The following ADAM23 variants were observed in gnomAD, a reference collection of about 807,000 sequenced individuals.
ADAM23 encodes disintegrin and metalloproteinase domain-containing protein 23.
A neutral mutation model predicts 120.1 loss-of-function variants in ADAM23; 33 were observed. The observed-to-expected ratio is 0.27, with a 90% CI of 0.21 to 0.37. The LOEUF is 0.37. Among genes scored for constraint, ADAM23 ranks in the 10% least tolerant of loss-of-function variants. The pLI, the probability that ADAM23 is intolerant of heterozygous loss-of-function variation, is 1.00. For missense variants in ADAM23, 862 were observed against 1,058.2 expected (o/e 0.81, Z 2.57); for synonymous variants, 367 against 375.2 (o/e 0.98, Z 0.25).
At chr2:206,454,838 G>A (rs1695263003) in intron 2 of ADAM23, among the ~76,000 whole-genome samples, 1 of 152,246 alleles carries the variant, frequency 6.6e-6, no homozygotes. Flanking sequence ...TGATGCAGGG[G>A]ATGGGCTGCC....
intron 4 of ADAM23, among the ~76,000 whole-genome samples, chr2:206,537,383 T>C (rs553585634): frequency 1.1e-4 from 16 of 152,094 alleles, no homozygotes; most frequent in African/African-American, 3.4e-4. Flanking sequence ...GTGGAAGAGA[T>C]TGGAGGAGTG....
At chr2:206,494,356 AT>A (rs1232945577) in intron 3 of ADAM23, among the ~76,000 whole-genome samples, 2 of 152,198 alleles carry the variant, frequency 1.3e-5, no homozygotes, top group Admixed American at 6.5e-5. Context: ...CCCTAAAAAA[AT>A]GTTTGCTCTT....
At chr2:206,546,052 C>CT (rs1559257801) in intron 6 of ADAM23, among the ~76,000 whole-genome samples, 1 of 152,072 alleles carries the variant, frequency 6.6e-6, no homozygotes, top group Non-Finnish European at 1.5e-5. Context: ...TAAATATAAA[C>CT]TATTGTTATA....
rs939645729 is a variant in ADAM23, at chr2:206,589,443, G to C, written c.1887G>C (p.Lys629Asn). The C allele has an allele frequency of 6.2e-7, 1 of 1,613,876 alleles. No individual in the cohort carries two copies. The highest frequency in any genetic ancestry group is 1.1e-5 in the South Asian group (1 of 91,022). Residue 629 changes from lysine (K) to asparagine (N), a missense_variant, in exon 21 of 26, where the codon AAG (lysine) becomes AAC (asparagine). Lys to Asn is a moderately conservative substitution (Grantham distance 94). Around this residue, in one of 4 missense-constraint regions of ADAM23, gnomAD observed 617 missense variants for 813.5 expected, o/e 0.76. Transcript: ENST00000264377. ...AAGSDKFCYE[K>N]LNTEGTEKGN... is the part of the protein sequence containing the mutation. ...GGTCTGACAAGTTCTGCTATGAAAAGCTGAATACAGAAGGCACTGAGAAGG... is the reference window on the plus strand; with the variant it reads ...GGTCTGACAAGTTCTGCTATGAAAACCTGAATACAGAAGGCACTGAGAAGG...
In ADAM23 at chr2:206,489,940, T is replaced by C. The variant is rs149006805; in HGVS notation, c.509+8632T>C. 1.9e-4 allele frequency among the ~76,000 whole-genome samples: 29 copies of C among 152,358 alleles called. No homozygotes were observed. The East Asian group carries it at 4.6e-3, about 24-fold the overall frequency. On this transcript the variant is annotated intron_variant, in intron 3 of 25. Transcript: ENST00000264377. ...ATTGAAAATAATGCTGTTTGTTGAG[T>C]AGAACCATCTGTTATGCTCTGTGTG...
chr2:206,444,136 A>G, intron 1 of ADAM23, 56 bp downstream of exon 1: 1 of 1,211,396 alleles, frequency 8.3e-7, no homozygotes, highest in Non-Finnish European at 1.0e-6. Flanking sequence ...CTGCAGAGGA[A>G]AGCGAAGGGC....
rs1238245063 is a variant in ADAM23, at chr2:206,444,053, C to T, written c.187C>T (p.Arg63Cys). Residue 63 changes from arginine (R) to cysteine (C), a missense_variant, in exon 1 of 26, where the codon CGC becomes TGC. Arg to Cys is a radical substitution (Grantham distance 180, BLOSUM62 -3). Transcript: ENST00000264377. ...TCCGCTCGCCGCCTCGTCCCGGCCC[C>T]GCGCCTGGGGGGCTGCTGCGCCCAG... ...LPPLAASSRP[R>C]AWGAAAPSAP... 17 of 1,397,844 alleles carry T rather than the reference C, an allele frequency of 1.2e-5. No individual in the cohort carries two copies. Among genetic ancestry groups the T allele is most frequent in the Admixed American group, 5.2e-5 (2 of 38,708 alleles). 86.6% of individuals were successfully genotyped at this position (1,397,844 alleles called of 1,614,324 possible).
At chr2:206,487,329 T>C (rs564691052) in intron 3 of ADAM23, among the ~76,000 whole-genome samples, 7 of 152,232 alleles carry the variant, frequency 4.6e-5, no homozygotes, top group Admixed American at 3.9e-4. Flanking sequence ...TTTCTGACTT[T>C]AGTAAGTGAG....
Position 206,598,267 on chromosome 2 carries a change from A to G in ADAM23, c.2359+2105A>G, listed in dbSNP as rs558473393. ...TCAAGTGATGTATAAAGATGCCTCA[A>G]CGGATGAGCAGAGCTAAATTTACTT... On this transcript the variant is annotated intron_variant, in intron 24 of 25. Transcript: ENST00000264377. 4.6e-5 allele frequency among the ~76,000 whole-genome samples: 7 copies of G among 152,252 alleles called. No homozygotes were observed. In the East Asian group the frequency reaches 1.2e-3, roughly 25 times the overall value.
intron 18 of ADAM23, 129 bp downstream of exon 18, chr2:206,573,324 A>G: frequency 2.3e-6 from 2 of 860,812 alleles, no homozygotes; most frequent in Non-Finnish European, 3.8e-6. Flanking sequence ...GCATATTCAT[A>G]ATGAGATATC....
intron 17 of ADAM23, among the ~76,000 whole-genome samples, chr2:206,572,021 T>G (rs1045546928): frequency 1.3e-5 from 2 of 152,082 alleles, no homozygotes; most frequent in African/African-American, 4.8e-5. Context: ...AACCATCTTA[T>G]CCTCCAATGC....
At chr2:206,572,938 G>A (rs569590019) in intron 17 of ADAM23, among the ~76,000 whole-genome samples, 177 bp from the exon 18 acceptor site, 2 of 152,170 alleles carry the variant, frequency 1.3e-5, no homozygotes, top group East Asian at 1.9e-4. Context: ...TAGTGTAGAG[G>A]GTAGCATCTG....
chr2:206,608,082 T>A lies in ADAM23; in HGVS notation c.2360-1828T>A, dbSNP rs574477239. ...TGTTGAATTGTGGGGAGGAAATACA[T>A]GTAAGTAGAATAAAGTTTCTCTAAA... On this transcript the variant is annotated intron_variant, in intron 24 of 25. Transcript: ENST00000264377. 43 of 375,184 alleles carry A rather than the reference T, an allele frequency of 1.1e-4. No homozygotes were observed. The East Asian group carries it at 3.4e-3, about 30-fold the overall frequency. 23.2% of individuals were successfully genotyped at this position (375,184 alleles called of 1,614,324 possible).
chr2:206,582,386 G>C (rs1199883618), intron 18 of ADAM23, among the ~76,000 whole-genome samples: 3 of 152,100 alleles, frequency 2.0e-5, no homozygotes, highest in African/African-American at 7.2e-5. Context: ...GTGTCCATTT[G>C]CTTGGAATGC....
At chr2:206,503,514 A>G (rs1172424697) in intron 3 of ADAM23, among the ~76,000 whole-genome samples, 4 of 152,086 alleles carry the variant, frequency 2.6e-5, no homozygotes, top group African/African-American at 9.7e-5. Context: ...ATAGCTAAAT[A>G]TTTTGACTTA....
Position 206,542,113 on chromosome 2 carries a change from T to C in ADAM23, c.635T>C (p.Leu212Pro). 6.2e-7 allele frequency: 1 copy of C among 1,614,198 alleles called. No homozygotes were observed. Among genetic ancestry groups the C allele is most frequent in the Non-Finnish European group, 8.5e-7 (1 of 1,180,000 alleles). Residue 212 changes from leucine to proline, a missense_variant, in exon 5 of 26, where the codon CTG becomes CCG. Transcript: ENST00000264377. ...IRGVKDSKVA[L>P]STCNGLHGMF... ...GGCGTCAAAGACTCCAAGGTGGCTC[T>C]GTCAACCTGCAATGGACTTCAGTAA...
At chr2:206,556,144 A>G (rs1486938773) in intron 9 of ADAM23, among the ~76,000 whole-genome samples, 1 of 152,192 alleles carries the variant, frequency 6.6e-6, no homozygotes, top group African/African-American at 2.4e-5. Flanking sequence ...ATGAACAGTA[A>G]TAGTAATATT....
At chr2:206,536,102 C>T (rs758286614) in intron 4 of ADAM23, among the ~76,000 whole-genome samples, 1 of 152,152 alleles carries the variant, frequency 6.6e-6, no homozygotes, top group African/African-American at 2.4e-5. Context: ...TAAGCCATTC[C>T]TGTTCATTCA....
chr2:206,584,701 C>T (rs370979809), intron 18 of ADAM23, among the ~76,000 whole-genome samples: 5 of 152,286 alleles, frequency 3.3e-5, no homozygotes, highest in African/African-American at 9.6e-5. Flanking sequence ...AGTTCTTCCC[C>T]GGCCTGTGAA....
Sources: allele counts gnomAD v4.1 joint callset (sites outside exome capture counted in the v4.1 genomes callset), GRCh38; gene constraint gnomAD v4.1.1; regional missense constraint gnomAD v4.1.1; transcripts MANE v1.5; gene names NCBI Gene and HGNC (gene_info 2026-07-23, HGNC 2026-07-21).